The following TMEM176A variants were observed in gnomAD, a reference collection of about 807,000 sequenced individuals.
TMEM176A encodes transmembrane protein 176A, also known as hepatocellular carcinoma-associated antigen 112.
Under a neutral mutation model 27.9 loss-of-function variants are expected in TMEM176A, and 20 were observed. That is an observed-to-expected ratio of 0.72 (90% CI 0.50 to 1.04). The LOEUF is 1.04. Ranked by LOEUF, TMEM176A falls within the 50% of genes least tolerant of loss-of-function variation. TMEM176A has a pLI of 0.00. For synonymous variants in TMEM176A, 125 were observed against 118.0 expected, an observed-to-expected ratio of 1.06 and a Z score of -0.38; for missense variants, 252 against 289.1, an observed-to-expected ratio of 0.87 and a Z score of 0.93.
In TMEM176A at chr7:150,802,521, C is replaced by G. The variant is rs912965819; in HGVS notation, c.285+196C>G. On this transcript the variant is annotated intron_variant, in intron 3 of 6. Transcript: ENST00000004103. ...ATGTCCTATTCACACTGTCTGCTCT[C>G]CCATACCCTTCCCAGTGCTGTTCCC... 9 of 688,714 alleles carry G rather than the reference C, an allele frequency of 1.3e-5. No homozygotes were observed. In the African/African-American group the frequency reaches 1.4e-4, roughly 11 times the overall value. 42.7% of individuals were successfully genotyped at this position (688,714 alleles called of 1,614,324 possible).
chr7:150,802,331 T>G lies in TMEM176A; in HGVS notation c.285+6T>G. 6.2e-7 allele frequency: 1 copy of G among 1,613,308 alleles called. No homozygotes were observed. ...CCATCTGGACAGGGGCTGTGGTGAG[T>G]AGAGCAGGACAGTGCTTGACTGCCT... On this transcript the variant is annotated splice_donor_region_variant and intron_variant, in intron 3 of 6. Transcript: ENST00000004103.
chr7:150,803,861 C>G, intron 5 of TMEM176A, 29 bp downstream of exon 5: 1 of 1,606,854 alleles, frequency 6.2e-7, no homozygotes, highest in Non-Finnish European at 8.5e-7. Flanking sequence ...GGGGCAGCAG[C>G]AGGTGGGGCA....
intron 2 of TMEM176A, 67 bp downstream of exon 2, chr7:150,801,791 C>G: frequency 1.5e-6 from 2 of 1,371,724 alleles, no homozygotes; most frequent in Non-Finnish European, 1.9e-6. Flanking sequence ...CAGCAGCACT[C>G]TCTGCCAGCC....
intron 2 of TMEM176A, 143 bp downstream of exon 2, chr7:150,801,867 T>C: frequency 1.1e-6 from 1 of 900,592 alleles, no homozygotes; most frequent in Non-Finnish European, 1.6e-6. Flanking sequence ...TCTGGCCTTC[T>C]CAGTAAGAGC....
Position 150,801,594 on chromosome 7 carries a change from A to G in TMEM176A, c.44A>G (p.Gln15Arg). The G allele has an allele frequency of 6.2e-7, 1 of 1,613,334 alleles. No individual in the cohort carries two copies. The highest frequency in any genetic ancestry group is 1.1e-5 in the South Asian group (1 of 91,058). The change falls in exon 2 of 7, where the codon CAG becomes CGG. Residue 15 changes from glutamine (Q) to arginine (R), a missense_variant. Gln to Arg is a conservative substitution (Grantham distance 43). Transcript: ENST00000004103. ...DSDEMAPEAPQHTHIDVHIHQ... is the reference protein window; with the variant it reads ...DSDEMAPEAPRHTHIDVHIHQ... ...GATGAGATGGCCCCGGAGGCCCCAC[A>G]GCACACCCACATCGATGTGCACATC...
intron 6 of TMEM176A, 57 bp from the exon 7 acceptor site, chr7:150,804,770 A>C: frequency 6.3e-7 from 1 of 1,585,866 alleles, no homozygotes; most frequent in Non-Finnish European, 8.7e-7. Context: ...CCCCTGGAGG[A>C]GAGACTCCGC....
chr7:150,804,620 G>A, intron 6 of TMEM176A, 148 bp downstream of exon 6: 1 of 886,766 alleles, frequency 1.1e-6, no homozygotes, highest in African/African-American at 1.7e-5. Flanking sequence ...ACCCAGTGGT[G>A]GCCCAGCCCA....
rs1798893587 is a variant in TMEM176A at position 150,805,029 on chromosome 7, C to T, written c.*161C>T. ...ACAGCCCTGCTCCAGCAGCACTTGC[C>T]CATTCCTTACACCCCTTCCCCATCC... On this transcript the variant is annotated 3_prime_UTR_variant, in exon 7 of 7. Transcript: ENST00000004103. The T allele has an allele frequency of 7.1e-6, 5 of 705,150 alleles. No homozygotes were observed. The Admixed American group carries it at 1.1e-4, about 15-fold the overall frequency. 43.7% of individuals were successfully genotyped at this position (705,150 alleles called of 1,614,324 possible).
At position 150,802,268 on chromosome 7, in the gene TMEM176A, C is replaced by T; in HGVS notation, c.228C>T (p.Tyr76=). ...ILSAVLGGFF[Y]IRDYTLLVTS... is the part of the protein sequence containing the mutation. ...GTGCAGTCCTAGGAGGATTTTTCTA[C>T]ATCCGCGACTACACCCTCCTCGTCA... The change falls in exon 3 of 7, where the codon TAC becomes TAT. Residue 76 remains tyrosine (Y), a synonymous_variant. Transcript: ENST00000004103. The T allele has an allele frequency of 1.2e-6, 2 of 1,614,032 alleles. No individual in the cohort carries two copies. Among genetic ancestry groups the T allele is most frequent in the Non-Finnish European group, 1.7e-6 (2 of 1,180,008 alleles).
chr7:150,803,570 C>T (rs1563051411), intron 4 of TMEM176A, 50 bp from the exon 5 acceptor site: 1 of 1,606,196 alleles, frequency 6.2e-7, no homozygotes, highest in Non-Finnish European at 8.5e-7. Context: ...CGACTGGACT[C>T]TGAGAGAGAC....
At chr7:150,801,385 C>T (rs1798778983) in intron 1 of TMEM176A, 151 bp from the exon 2 acceptor site, 1 of 714,874 alleles carries the variant, frequency 1.4e-6, no homozygotes, top group East Asian at 2.9e-5. Flanking sequence ...ACACATTCCC[C>T]TCGTGAGGGG....
At chr7:150,801,973 G>A (rs904476824) in intron 2 of TMEM176A, 24 of 616,718 alleles carry the variant, frequency 3.9e-5, no homozygotes, top group Non-Finnish European at 5.9e-5. Context: ...CTTTCCTCTG[G>A]GCCAAACTCA....
chr7:150,804,323 G>A (rs1028240487), intron 5 of TMEM176A, 39 bp from the exon 6 acceptor site: 2 of 1,522,412 alleles, frequency 1.3e-6, no homozygotes, highest in Admixed American at 3.3e-5. Flanking sequence ...GAAGGCAGCT[G>A]TCATCCTGGT....
chr7:150,802,360 A>T (rs1362629188), intron 3 of TMEM176A, 35 bp downstream of exon 3: 5 of 1,584,146 alleles, frequency 3.2e-6, no homozygotes, highest in Non-Finnish European at 4.3e-6. Flanking sequence ...ACTGCCTGTG[A>T]GAGGGGTGGG....
At position 150,800,827 on chromosome 7, in the gene TMEM176A, A is replaced by T. The variant is rs1798753823; in HGVS notation, c.-17A>T. ...CCCGCTCGCAGGTCCCGAGGAGCGC[A>T]GGTGAGGCGGCACCCCACTCCCGGC... On this transcript the variant is annotated splice_region_variant and 5_prime_UTR_variant, in exon 1 of 7. Coordinates refer to ENST00000004103, the MANE Select transcript of TMEM176A (RefSeq NM_018487.3). 2.8e-6 allele frequency: 2 copies of T among 713,228 alleles called. No individual in the cohort carries two copies. Among genetic ancestry groups the T allele is most frequent in the Admixed American group, 6.3e-5 (1 of 15,860 alleles). 44.2% of individuals were successfully genotyped at this position (713,228 alleles called of 1,614,324 possible).
rs760817519 is a variant in TMEM176A, at chr7:150,803,400, G to C, written c.286G>C (p.Ala96Pro). Residue 96 changes from alanine (A) to proline (P), a missense_variant and splice_region_variant, in exon 4 of 7, where the codon GCT becomes CCT. By Grantham distance (27) the Ala-to-Pro change is conservative (BLOSUM62 -1). Transcript: ENST00000004103. ...TGCTCCTGGCTCAATCTCTCCCCAG[G>C]CTGTGCTGGCTGGAGCTGCTGCCTT... is the stretch of plus-strand genomic sequence containing the variant. ...SGAAIWTGAV[A>P]VLAGAAAFIY... 6.3e-7 allele frequency: 1 copy of C among 1,578,420 alleles called. No homozygotes were observed. The highest frequency in any genetic ancestry group is 8.6e-7 in the Non-Finnish European group (1 of 1,165,238).
At chr7:150,801,122 C>A in intron 1 of TMEM176A, 1 of 376,232 alleles carries the variant, frequency 2.7e-6, no homozygotes, top group Non-Finnish European at 3.7e-6. Flanking sequence ...CGGGGCGCAG[C>A]TGCTGGCACA....
At chr7:150,802,189 G>C (rs374919241) in intron 2 of TMEM176A, 26 bp from the exon 3 acceptor site, 2 of 1,606,182 alleles carry the variant, frequency 1.2e-6, no homozygotes, top group Non-Finnish European at 1.7e-6. Flanking sequence ...CCTAGGAGCC[G>C]GGATCTTGGG....
Position 150,803,685 on chromosome 7 carries a change from G to C in TMEM176A, c.408G>C (p.Trp136Cys), listed in dbSNP as rs765463938. 6.2e-7 allele frequency: 1 copy of C among 1,614,142 alleles called. No homozygotes were observed. Among genetic ancestry groups the C allele is most frequent in the South Asian group, 1.1e-5 (1 of 91,082 alleles). The stretch of plus-strand genomic sequence containing the variant: ...CAGCCATCGCTGCCCTCAAACTTTG[G>C]AATGAAGATTTCCGATATGGCTACT... ...FSTAIAALKL[W>C]NEDFRYGYSY... Residue 136 changes from tryptophan (W) to cysteine (C), a missense_variant, in exon 5 of 7, where the codon TGG (tryptophan) becomes TGC (cysteine). Trp to Cys is a radical substitution (Grantham distance 215, BLOSUM62 -2). Coordinates refer to ENST00000004103, the MANE Select transcript of TMEM176A (RefSeq NM_018487.3).
Sources: gnomAD v4.1 joint callset for allele counts on GRCh38, gnomAD v4.1.1 for gene constraint, MANE v1.5 for transcripts, NCBI Gene and HGNC (gene_info 2026-07-23, HGNC 2026-07-21) for gene names.